The following ANKRD24 variants were observed in gnomAD, a reference collection of about 807,000 sequenced individuals.
ANKRD24 encodes ankyrin repeat domain 24, also known as ankyrin repeat domain-containing protein 24.
ANKRD24 carries 109 observed loss-of-function variants against 127.8 expected under a neutral mutation model. That is an observed-to-expected ratio of 0.85 (90% CI 0.73 to 1.00). ANKRD24 has a LOEUF of 1.00. ANKRD24 is among the 50% of genes least tolerant of loss of function. The pLI is 0.00. For synonymous variants in ANKRD24, 743 were observed against 671.1 expected, an observed-to-expected ratio of 1.11 and a Z score of -1.66; for missense variants, 1,648 against 1,570.2, an observed-to-expected ratio of 1.05 and a Z score of -0.84.
chr19:4,212,928 C>T (rs1022677029), intron 15 of ANKRD24, among the ~76,000 whole-genome samples: 2 of 152,174 alleles, frequency 1.3e-5, no homozygotes, highest in Non-Finnish European at 2.9e-5. Context: ...GTCAGGAGAT[C>T]GAGACTGTCC....
rs562470415 is a variant in ANKRD24 at position 4,209,961 on chromosome 19, A to G, written c.871-97A>G. 45 of 689,188 alleles carry G rather than the reference A, an allele frequency of 6.5e-5. No individual in the cohort carries two copies. The South Asian group carries it at 7.4e-4, about 11-fold the overall frequency. 42.7% of individuals were successfully genotyped at this position (689,188 alleles called of 1,614,324 possible). On this transcript the variant is annotated intron_variant, in intron 11 of 21. Coordinates refer to ENST00000318934, the MANE Select transcript of ANKRD24 (RefSeq NM_001393985.1). ...GCTGGTTCCATGTTCTCAGGAAGTC[A>G]GGCCATGGCTGGGGCTGGCTGGGTT...
chr19:4,208,935 G>T (rs1969543559), intron 11 of ANKRD24, 134 bp downstream of exon 11: 1 of 875,406 alleles, frequency 1.1e-6, no homozygotes, highest in Non-Finnish European at 1.7e-6. Context: ...TACCTTCAGG[G>T]TATGCTGCCA....
chr19:4,205,239 A>AAACC (rs1220491819), intron 7 of ANKRD24, among the ~76,000 whole-genome samples: 6 of 152,178 alleles, frequency 3.9e-5, no homozygotes, highest in East Asian at 1.9e-4. Context: ...CATCTCAAAA[A>AAACC]AACCAACCAA....
rs1015785205 is a variant in ANKRD24, at chr19:4,217,478, GCAGCGGGGC to G, written c.2327_2335del (p.Ala776_Gly778del). Reference sequence around the variant, plus strand: ...CGAGAGCGTGTCCGCGAGGCCGAGGGCAGCGGGGCCAGCGGGGGCGGTGGCGGTGACACC... The same window carrying G: ...CGAGAGCGTGTCCGCGAGGCCGAGGGCAGCGGGGGCGGTGGCGGTGACACC... On this transcript the variant is annotated inframe_deletion, in exon 18 of 22. Coordinates refer to ENST00000318934, the MANE Select transcript of ANKRD24 (RefSeq NM_001393985.1). 5.1e-5 allele frequency: 73 copies of G among 1,440,096 alleles called. No individual in the cohort carries two copies. Among genetic ancestry groups the G allele is most frequent in the Non-Finnish European group, 6.4e-5 (70 of 1,101,512 alleles). The allele number at this position is 1,440,096 out of a possible 1,614,324, so 89.2% of individuals were successfully genotyped here. A position where few individuals can be genotyped will look rare whatever the true frequency, so the allele number is the denominator to read the frequency against.
intron 2 of ANKRD24, among the ~76,000 whole-genome samples, chr19:4,193,845 G>GAGGGA (rs573649233): frequency 4.9e-5 from 2 of 40,590 alleles, no homozygotes; most frequent in Non-Finnish European, 8.6e-5. Flanking sequence ...GGGAGGGAGG[G>GAGGGA]AGGAAGGAAG....
rs191441879 is a variant in ANKRD24, at chr19:4,182,761, G to A, written c.-37+21G>A. On this transcript the variant is annotated intron_variant, in intron 1 of 21. Transcript: ENST00000318934. ...TGCAGGTGTTTGCGGGGCTTGGGAAGGGGCTCCCCGATGACCCGGGCGGGA... is the reference window on the plus strand; with the variant it reads ...TGCAGGTGTTTGCGGGGCTTGGGAAAGGGCTCCCCGATGACCCGGGCGGGA... The A allele has an allele frequency of 2.6e-4, 252 of 985,422 alleles. No individual in the cohort carries two copies. The African/African-American group carries it at 4.0e-3, about 16-fold the overall frequency. 61.0% of individuals were successfully genotyped at this position (985,422 alleles called of 1,614,324 possible).
chr19:4,198,587 C>A lies in ANKRD24; in HGVS notation c.37-1096C>A. ...GGCGGGGCGCGGGTACCTCCTCTCC[C>A]CTCCCTTCCCCGTCCCCGGCTGACC... On this transcript the variant is annotated intron_variant, in intron 2 of 21. Transcript: ENST00000318934. This position sits in a 1 kb window ranked among gnomAD's most constrained non-coding sequence, Gnocchi z 6.1. 1 of 451,848 alleles carries A rather than the reference C, an allele frequency of 2.2e-6. No individual in the cohort carries two copies. Among genetic ancestry groups the A allele is most frequent in the South Asian group, 4.1e-5 (1 of 24,660 alleles). The allele number at this position is 451,848 out of a possible 1,614,324, so 28.0% of individuals were successfully genotyped here.
Position 4,182,965 on chromosome 19 carries a change from TTG to T in ANKRD24, c.-37+258_-37+259del, listed in dbSNP as rs57280997. Among the ~76,000 whole-genome samples, 658 of 138,634 alleles carry T rather than the reference TTG, an allele frequency of 4.7e-3. 6 individuals are homozygous for T. Among genetic ancestry groups the T allele is most frequent in the East Asian group, 8.8e-3 (41 of 4,672 alleles). The allele number at this position is 138,634 out of a possible 152,430, so 90.9% of individuals were successfully genotyped here. The stretch of plus-strand genomic sequence containing the variant: ...ACGCAGAGTTACCTGAATATCTCAT[TTG>T]TGTGTGTGTGTGTGTGTGTGTGTGT... On this transcript the variant is annotated intron_variant, in intron 1 of 21. Transcript: ENST00000318934.
At position 4,217,700 on chromosome 19, in the gene ANKRD24, G is replaced by C; in HGVS notation, c.2540G>C (p.Ser847Thr). 1.5e-6 allele frequency: 2 copies of C among 1,291,418 alleles called. No homozygotes were observed. Among genetic ancestry groups the C allele is most frequent in the Non-Finnish European group, 2.0e-6 (2 of 1,024,190 alleles). The allele number at this position is 1,291,418 out of a possible 1,614,324, so 80.0% of individuals were successfully genotyped here. A position where few individuals can be genotyped will look rare whatever the true frequency, so the allele number is the denominator to read the frequency against. Residue 847 changes from serine (S) to threonine (T), a missense_variant, in exon 18 of 22, where the codon AGC (serine) becomes ACC (threonine). By Grantham distance (58) the Ser-to-Thr change is moderately conservative. Coordinates refer to ENST00000318934, the MANE Select transcript of ANKRD24 (RefSeq NM_001393985.1). The part of the protein sequence containing the change: ...AQREEARLEQ[S>T]RELEVLREQL... Reference sequence around the variant, plus strand: ...CGGGAGGAGGCGCGGCTGGAGCAGAGCCGGGAGCTGGAGGTTCTGCGGGAG... The same window carrying C: ...CGGGAGGAGGCGCGGCTGGAGCAGACCCGGGAGCTGGAGGTTCTGCGGGAG...
At chr19:4,214,130 A>G (rs1969924117) in intron 15 of ANKRD24, among the ~76,000 whole-genome samples, 1 of 152,142 alleles carries the variant, frequency 6.6e-6, no homozygotes, top group Non-Finnish European at 1.5e-5. Flanking sequence ...AGTCACACAC[A>G]GACAACATGC....
chr19:4,216,195 C>T, intron 16 of ANKRD24, 89 bp from the exon 17 acceptor site: 24 of 1,422,064 alleles, frequency 1.7e-5, no homozygotes, highest in Non-Finnish European at 2.3e-5. Flanking sequence ...TGAGCCTGCC[C>T]TGGGAACCCT....
chr19:4,199,156 G>A lies in ANKRD24; in HGVS notation c.37-527G>A, dbSNP rs1968938664. 6.6e-6 allele frequency among the ~76,000 whole-genome samples: 1 copy of A among 152,078 alleles called. No homozygotes were observed. Among genetic ancestry groups the A allele is most frequent in the African/African-American group, 2.4e-5 (1 of 41,412 alleles). On this transcript the variant is annotated intron_variant, in intron 2 of 21. Transcript: ENST00000318934. This position sits in a 1 kb window ranked among gnomAD's most constrained non-coding sequence, Gnocchi z 5.2. ...AGGGGACTTTTAGGGGTTCAGATGGGACTTTGGAGGGTAGTTTGGAAAAGA... is the reference window on the plus strand; with the variant it reads ...AGGGGACTTTTAGGGGTTCAGATGGAACTTTGGAGGGTAGTTTGGAAAAGA...
At chr19:4,205,320 G>A (rs1969324187) in intron 7 of ANKRD24, among the ~76,000 whole-genome samples, 1 of 152,204 alleles carries the variant, frequency 6.6e-6, no homozygotes, top group South Asian at 2.1e-4. Context: ...TTGTAGATAA[G>A]GTTTGCAGCA....
At chr19:4,197,658 T>C (rs1041513929) in intron 2 of ANKRD24, among the ~76,000 whole-genome samples, 8 of 147,112 alleles carry the variant, frequency 5.4e-5, no homozygotes, top group African/African-American at 8.1e-5. Flanking sequence ...AATGAACGAA[T>C]GAATGAATGA....
chr19:4,224,470 C>T lies in ANKRD24; in HGVS notation c.3406C>T (p.Leu1136=). The part of the protein sequence containing the change: ...EDVQRILSQI[L]QMQRLQAQGR ...TGTGCAGCGGATTCTCAGCCAGATT[C>T]TGCAGATGCAGAGACTCCAGGCTCA... is the stretch of plus-strand genomic sequence containing the variant. The change falls in exon 22 of 22, where the codon CTG becomes TTG. Residue 1136 remains leucine (L), a synonymous_variant. Transcript: ENST00000318934. The T allele has an allele frequency of 1.2e-6, 2 of 1,612,768 alleles. No homozygotes were observed. Among genetic ancestry groups the T allele is most frequent in the Non-Finnish European group, 1.7e-6 (2 of 1,179,492 alleles).
Position 4,186,447 on chromosome 19 carries a change from T to C in ANKRD24, c.22T>C (p.Phe8Leu). The change falls in exon 2 of 22, where the codon TTT becomes CTT. Residue 8 changes from phenylalanine to leucine, a missense_variant. Phe to Leu is a conservative substitution (Grantham distance 22). Coordinates refer to ENST00000318934, the MANE Select transcript of ANKRD24 (RefSeq NM_001393985.1). ...AACTATGAAGACTCTCAGGGCGCGA[T>C]TTAAGAAGACAGAGGTGAGTGTGAG... MKTLRAR[F>L]KKTELRLSPT... 6.3e-7 allele frequency: 1 copy of C among 1,594,152 alleles called. No individual in the cohort carries two copies. Among genetic ancestry groups the C allele is most frequent in the South Asian group, 1.1e-5 (1 of 87,528 alleles).
rs371340481 is a variant in ANKRD24, at chr19:4,224,501, G to T, written c.3437G>T (p.Arg1146Leu). ...LQMQRLQAQG[R>L] ...ATGCAGAGACTCCAGGCTCAGGGCC[G>T]CTGAGAAAGGCCAGGCCCAGTGGCT... is the stretch of plus-strand genomic sequence containing the variant. Residue 1146 changes from arginine to leucine, a missense_variant, in exon 22 of 22, where the codon CGC becomes CTC. Transcript: ENST00000318934. The T allele has an allele frequency of 2.5e-6, 4 of 1,606,934 alleles. No homozygotes were observed. The highest frequency in any genetic ancestry group is 4.5e-5 in the East Asian group (2 of 44,418).
At chr19:4,200,659 C>T (rs1156581385) in intron 5 of ANKRD24, among the ~76,000 whole-genome samples, 1 of 152,086 alleles carries the variant, frequency 6.6e-6, no homozygotes, top group African/African-American at 2.4e-5. Context: ...GTAGCTAGGA[C>T]TATAGGCGCA....
At chr19:4,212,308 C>T (rs534347805) in intron 13 of ANKRD24, among the ~76,000 whole-genome samples, 167 bp from the exon 14 acceptor site, 1 of 152,324 alleles carries the variant, frequency 6.6e-6, no homozygotes, top group East Asian at 1.9e-4. Flanking sequence ...GTGCCTGGTA[C>T]ACAGCAGGCA....
Sources: allele counts gnomAD v4.1 joint callset (sites outside exome capture counted in the v4.1 genomes callset), GRCh38; gene constraint gnomAD v4.1.1; non-coding constraint Gnocchi (gnomAD v3.1); transcripts MANE v1.5; gene names NCBI Gene and HGNC (gene_info 2026-07-23, HGNC 2026-07-21).